Variants in EBF2 observed in about 807,000 individuals in gnomAD.
The protein encoded by EBF2 is EBF transcription factor 2, also known as transcription factor COE2.
EBF2 carries 21 observed loss-of-function variants against 72.8 expected under a neutral mutation model. The ratio of observed to expected loss-of-function variants is 0.29; its 90% CI spans 0.20 to 0.42. The LOEUF is 0.42. Among genes scored for constraint, EBF2 ranks in the 10% least tolerant of loss-of-function variants. EBF2 has a pLI of 1.00. For missense variants in EBF2, 637 were observed against 731.2 expected, an observed-to-expected ratio of 0.87 and a Z score of 1.49; for synonymous variants, 299 against 274.2, an observed-to-expected ratio of 1.09 and a Z score of -0.89.
intron 6 of EBF2, among the ~76,000 whole-genome samples, chr8:26,030,048 G>A (rs1174566945): frequency 4.6e-5 from 7 of 152,020 alleles, no homozygotes; most frequent in African/African-American, 1.7e-4. Context: ...AGTATCTAGG[G>A]CCACAGGTGT....
chr8:25,845,524 C>T (rs1801815154), intron 15 of EBF2, among the ~76,000 whole-genome samples: 1 of 152,226 alleles, frequency 6.6e-6, no homozygotes, highest in African/African-American at 2.4e-5. Context: ...CTGTACTCAG[C>T]CTCCAATTCC....
At position 26,044,165 on chromosome 8, in the gene EBF2, C is replaced by G. The variant is rs1805659554; in HGVS notation, c.131+564G>C. ...GAGCCGGGACCCTCCAGCCTGTCCC[C>G]CCTCCCAGAGCTCCCGGCCGCCTCG... On this transcript the variant is annotated intron_variant, in intron 1 of 15. Transcript: ENST00000520164. This position sits in a 1 kb window ranked among gnomAD's most constrained non-coding sequence, Gnocchi z 4.1. Among the ~76,000 whole-genome samples the G allele has an allele frequency of 6.6e-6, 1 of 152,254 alleles. No individual in the cohort carries two copies. The highest frequency in any genetic ancestry group is 1.5e-5 in the Non-Finnish European group (1 of 68,050).
chr8:25,909,802 C>T (rs527681931), intron 6 of EBF2, among the ~76,000 whole-genome samples: 1 of 152,164 alleles, frequency 6.6e-6, no homozygotes, highest in African/African-American at 2.4e-5. Context: ...GGGGAATTGG[C>T]TTTTCAGAGT....
chr8:25,964,800 A>G (rs541943989), intron 6 of EBF2, among the ~76,000 whole-genome samples: 162 of 152,376 alleles, frequency 1.1e-3, no homozygotes, highest in Non-Finnish European at 1.8e-3. Context: ...TCTCCAGTTC[A>G]GTAGATAATT....
At chr8:25,857,778 A>G (rs1802124132) in intron 14 of EBF2, among the ~76,000 whole-genome samples, 1 of 152,142 alleles carries the variant, frequency 6.6e-6, no homozygotes, top group Non-Finnish European at 1.5e-5. Context: ...AAAGGAGGGG[A>G]AAACCAGGTT....
intron 7 of EBF2, among the ~76,000 whole-genome samples, chr8:25,903,796 C>T (rs566397800): frequency 2.9e-4 from 44 of 152,268 alleles, no homozygotes; most frequent in African/African-American, 1.0e-3. Context: ...TAGGAGGAGG[C>T]AGCGACACTT....
At chr8:25,926,533 T>A (rs1219522812) in intron 6 of EBF2, among the ~76,000 whole-genome samples, 1 of 152,196 alleles carries the variant, frequency 6.6e-6, no homozygotes, top group African/African-American at 2.4e-5. Context: ...TGTATCTTTG[T>A]CTGTATGCAT....
chr8:25,860,624 C>T (rs1374347546), intron 13 of EBF2, among the ~76,000 whole-genome samples: 2 of 152,092 alleles, frequency 1.3e-5, no homozygotes, highest in East Asian at 3.9e-4. Flanking sequence ...ACTTCCCAGG[C>T]TCATGTGATC....
intron 6 of EBF2, among the ~76,000 whole-genome samples, chr8:25,912,688 C>G (rs1434979784): frequency 6.6e-6 from 1 of 152,050 alleles, no homozygotes; most frequent in Non-Finnish European, 1.5e-5. Flanking sequence ...GCTCTGTGTG[C>G]CAGAAAGTTC....
chr8:26,040,526 G>C (rs1022917353), intron 4 of EBF2, 90 bp downstream of exon 4: 13 of 1,246,342 alleles, frequency 1.0e-5, no homozygotes, highest in Middle Eastern at 1.9e-4. Context: ...CCAGGAAATC[G>C]TGGAGGAGGG....
intron 5 of EBF2, among the ~76,000 whole-genome samples, chr8:26,039,256 G>T (rs553401684): frequency 1.5e-3 from 213 of 140,272 alleles, no homozygotes; most frequent in Non-Finnish European, 2.3e-3. Flanking sequence ...AAAAAAGGGT[G>T]GGGGGGGAAT....
chr8:26,016,422 ACATT>A (rs370065640), intron 6 of EBF2, among the ~76,000 whole-genome samples: 5 of 152,190 alleles, frequency 3.3e-5, no homozygotes, highest in African/African-American at 1.2e-4. Context: ...ATTTATTCAC[ACATT>A]CATTCGTCTT....
intron 6 of EBF2, among the ~76,000 whole-genome samples, chr8:25,950,631 G>C (rs1300127858): frequency 6.6e-6 from 1 of 152,190 alleles, no homozygotes; most frequent in African/African-American, 2.4e-5. Context: ...AAAACAAAAA[G>C]ATTGGGTCTC....
intron 6 of EBF2, among the ~76,000 whole-genome samples, chr8:25,955,831 A>C (rs966964890): frequency 2.6e-5 from 4 of 152,126 alleles, no homozygotes; most frequent in Non-Finnish European, 5.9e-5. Context: ...ATATAAGTTA[A>C]TATTTTGGAT....
intron 10 of EBF2, among the ~76,000 whole-genome samples, chr8:25,883,942 G>A (rs1009365905): frequency 6.6e-6 from 1 of 152,036 alleles, no homozygotes; most frequent in Non-Finnish European, 1.5e-5. Context: ...TCCTTCCCAG[G>A]TTCCTCCTGT....
Position 26,044,781 on chromosome 8 carries a change from T to A in EBF2, c.79A>T (p.Arg27Trp). ...KSLGAEMDSV[R>W]SWVRNVGVVD... ...ACTCCGACATTCCGGACCCAGGACCTGACCGAATCCATCTCCGCGCCCAGC... is the reference window on the plus strand; with the variant it reads ...ACTCCGACATTCCGGACCCAGGACCAGACCGAATCCATCTCCGCGCCCAGC... Residue 27 changes from arginine to tryptophan, a missense_variant, in exon 1 of 16, where the codon AGG becomes TGG. By Grantham distance (101) the Arg-to-Trp change is moderately radical. Transcript: ENST00000520164. The surrounding 1 kb of genome is among the most constrained non-coding windows in gnomAD (Gnocchi z 4.1). 1.2e-6 allele frequency: 2 copies of A among 1,614,194 alleles called. No individual in the cohort carries two copies. The highest frequency in any genetic ancestry group is 2.2e-5 in the South Asian group (2 of 91,082).
chr8:26,008,469 G>A (rs995315476), intron 6 of EBF2, among the ~76,000 whole-genome samples: 3 of 152,090 alleles, frequency 2.0e-5, no homozygotes, highest in Admixed American at 1.3e-4. Context: ...CTAGTGTAGT[G>A]GTGCCACAGA....
At chr8:25,867,363 T>C (rs557009432) in intron 10 of EBF2, among the ~76,000 whole-genome samples, 1 of 152,304 alleles carries the variant, frequency 6.6e-6, no homozygotes, top group Non-Finnish European at 1.5e-5. Flanking sequence ...CACACTAAGG[T>C]CACCAATAGC....
intron 6 of EBF2, among the ~76,000 whole-genome samples, chr8:25,988,427 T>C (rs1804495569): frequency 6.6e-6 from 1 of 152,240 alleles, no homozygotes; most frequent in Non-Finnish European, 1.5e-5. Context: ...TGAATGTTGA[T>C]ACATGCATTA....
Sources: allele counts gnomAD v4.1 joint callset (sites outside exome capture counted in the v4.1 genomes callset), GRCh38; gene constraint gnomAD v4.1.1; non-coding constraint Gnocchi (gnomAD v3.1); transcripts MANE v1.5; gene names NCBI Gene and HGNC (gene_info 2026-07-23, HGNC 2026-07-21).